LARGE1: variants seen among roughly 807,000 people sequenced by gnomAD.
The protein encoded by LARGE1 is xylosyl- and glucuronyltransferase LARGE1.
A neutral mutation model predicts 87.6 loss-of-function variants in LARGE1; 43 were observed. The observed-to-expected ratio is 0.49, with a 90% CI of 0.38 to 0.63. LARGE1 has a LOEUF of 0.63. LARGE1 is among the 30% of genes least tolerant of loss of function. The probability of loss-of-function intolerance (pLI) is 0.00; values close to 1 mark genes in which losing one functional copy is unlikely to be tolerated. For synonymous variants in LARGE1, 434 were observed against 394.6 expected, an observed-to-expected ratio of 1.10 and a Z score of -1.18; for missense variants, 802 against 1,000.2, an observed-to-expected ratio of 0.80 and a Z score of 2.67.
chr22:33,190,885 G>A (rs16991949), intron 11 of LARGE1, among the ~76,000 whole-genome samples: 4,831 of 152,230 alleles, frequency 0.032, 270 homozygotes, highest in African/African-American at 0.11. Flanking sequence ...TAAGCATCTT[G>A]TATCCTGGGA....
intron 5 of LARGE1, among the ~76,000 whole-genome samples, chr22:33,596,445 C>T (rs953306093): frequency 2.0e-5 from 3 of 152,124 alleles, no homozygotes; most frequent in South Asian, 2.1e-4. Flanking sequence ...AACCAGCCTT[C>T]GTATTCAGAA....
intron 5 of LARGE1, among the ~76,000 whole-genome samples, chr22:33,580,793 T>G (rs2148868964): frequency 6.6e-6 from 1 of 152,358 alleles, no homozygotes; most frequent in Middle Eastern, 3.4e-3. Flanking sequence ...TGCTTGCTAT[T>G]TTCTCTTCAA....
chr22:33,089,386 TCC>T, the LARGE1 span, among the ~76,000 whole-genome samples: 2 of 134,852 alleles, frequency 1.5e-5, no homozygotes, highest in Middle Eastern at 3.8e-3. Context: ...TTCTTCTTCT[TCC>T]TCTTCTTCTT....
At chr22:33,789,188 C>T (rs544164878) in intron 1 of LARGE1, among the ~76,000 whole-genome samples, 3 of 152,194 alleles carry the variant, frequency 2.0e-5, no homozygotes, top group Non-Finnish European at 4.4e-5. Flanking sequence ...TGTGTCCCAG[C>T]CGTGGCTAAA....
chr22:33,742,693 G>C (rs2083930938), intron 2 of LARGE1, among the ~76,000 whole-genome samples: 1 of 152,134 alleles, frequency 6.6e-6, no homozygotes. Flanking sequence ...ACTTCAACCA[G>C]ATTTTTCTTT....
chr22:33,259,259 G>A (rs1166921322), intron 11 of LARGE1, among the ~76,000 whole-genome samples: 2 of 152,120 alleles, frequency 1.3e-5, no homozygotes, highest in South Asian at 4.1e-4. Flanking sequence ...CATTGACAAT[G>A]TTAAGGACAA....
chr22:33,436,227 A>G (rs2067266630), intron 6 of LARGE1, among the ~76,000 whole-genome samples: 1 of 152,218 alleles, frequency 6.6e-6, no homozygotes, highest in Non-Finnish European at 1.5e-5. Context: ...GTGACTTCAC[A>G]TGCTGGAATG....
At chr22:33,748,388 C>T (rs1170887290) in intron 2 of LARGE1, among the ~76,000 whole-genome samples, 1 of 152,124 alleles carries the variant, frequency 6.6e-6, no homozygotes, top group African/African-American at 2.4e-5. Flanking sequence ...TCTCCACTTC[C>T]ACCTCCCATC....
At chr22:33,472,967 C>T (rs1474601797) in intron 6 of LARGE1, among the ~76,000 whole-genome samples, 4 of 152,218 alleles carry the variant, frequency 2.6e-5, no homozygotes, top group South Asian at 2.1e-4. Context: ...AAGATCATTT[C>T]GTCCTGTCTT....
At chr22:33,843,864 A>G (rs2283951) in intron 1 of LARGE1, among the ~76,000 whole-genome samples, 90,447 of 151,766 alleles carry the variant, frequency 0.6, 26,964 homozygotes, top group South Asian at 0.68. Flanking sequence ...GATCACCTGA[A>G]GTCAGCAGTT....
chr22:33,211,580 T>G (rs1168647208), intron 11 of LARGE1, among the ~76,000 whole-genome samples: 2 of 151,894 alleles, frequency 1.3e-5, no homozygotes, highest in Non-Finnish European at 2.9e-5. Context: ...GAGACCAGCC[T>G]GGCTAACATG....
At chr22:33,875,715 T>C (rs1158660519) in intron 1 of LARGE1, among the ~76,000 whole-genome samples, 6 of 152,118 alleles carry the variant, frequency 3.9e-5, no homozygotes, top group Admixed American at 3.3e-4. Flanking sequence ...CTGATTTCGT[T>C]TAATTGGAAG....
intron 9 of LARGE1, among the ~76,000 whole-genome samples, chr22:33,358,099 G>A (rs1280308731): frequency 6.6e-6 from 1 of 152,182 alleles, no homozygotes; most frequent in East Asian, 1.9e-4. Context: ...TTAAACAGGA[G>A]CCAGCTGCCT....
intron 6 of LARGE1, among the ~76,000 whole-genome samples, chr22:33,512,090 T>A (rs1429310171): frequency 1.3e-5 from 2 of 152,188 alleles, no homozygotes; most frequent in Non-Finnish European, 2.9e-5. Context: ...AATATTAAAT[T>A]TACCTCTGAC....
chr22:33,555,854 C>T (rs552788328), intron 6 of LARGE1, among the ~76,000 whole-genome samples: 41 of 146,404 alleles, frequency 2.8e-4, no homozygotes, highest in Non-Finnish European at 5.8e-4. Flanking sequence ...TGCCTGAGCC[C>T]GGGAGGTGGA....
At chr22:33,649,743 G>A (rs1349101413) in intron 3 of LARGE1, among the ~76,000 whole-genome samples, 1 of 152,226 alleles carries the variant, frequency 6.6e-6, no homozygotes, top group East Asian at 1.9e-4. Flanking sequence ...GGGAATGAGT[G>A]TATGTGTGTT....
chr22:33,482,593 T>G (rs1252573920), intron 6 of LARGE1, among the ~76,000 whole-genome samples: 1 of 152,108 alleles, frequency 6.6e-6, no homozygotes, highest in African/African-American at 2.4e-5. Flanking sequence ...ATGCCAAATG[T>G]AGATGACGGG....
intron 12 of LARGE1, among the ~76,000 whole-genome samples, chr22:33,302,618 G>A (rs1330090986): frequency 6.6e-6 from 1 of 152,186 alleles, no homozygotes. Context: ...CAGAGAGAAA[G>A]AGACAGAGGC....
chr22:33,655,576 CA>C (rs1182314756), intron 2 of LARGE1, among the ~76,000 whole-genome samples: 4 of 152,150 alleles, frequency 2.6e-5, no homozygotes, highest in African/African-American at 9.7e-5. Context: ...CAATTCCTTA[CA>C]ATAAACATAG....
Sources: gnomAD v4.1 joint callset for allele counts (sites outside exome capture counted in the v4.1 genomes callset) on GRCh38, gnomAD v4.1.1 for gene constraint, MANE v1.5 for transcripts, NCBI Gene and HGNC (gene_info 2026-07-23, HGNC 2026-07-21) for gene names.